ACOXL: variants seen among roughly 807,000 people sequenced by gnomAD.
ACOXL encodes the protein acyl-CoA oxidase like.
ACOXL carries 70 observed loss-of-function variants against 71.9 expected under a neutral mutation model. The observed-to-expected ratio is 0.97, with a 90% CI of 0.80 to 1.19. The LOEUF (loss-of-function observed/expected upper bound fraction) is 1.19, where lower values mean the gene tolerates loss of function less well. Among genes scored for constraint, ACOXL ranks in the 50% most tolerant of loss-of-function variants. The pLI, the probability that ACOXL is intolerant of heterozygous loss-of-function variation, is 0.00. For missense variants in ACOXL, 703 were observed against 736.3 expected, an observed-to-expected ratio of 0.95 and a Z score of 0.52; for synonymous variants, 253 against 281.6, an observed-to-expected ratio of 0.90 and a Z score of 1.02.
chr2:110,940,433 G>T (rs973456527), intron 12 of ACOXL, among the ~76,000 whole-genome samples: 1 of 152,160 alleles, frequency 6.6e-6, no homozygotes, highest in Non-Finnish European at 1.5e-5. Flanking sequence ...AGTTTTCACT[G>T]GAATGTTATT....
intron 1 of ACOXL, among the ~76,000 whole-genome samples, chr2:110,742,868 C>T (rs1407007333): frequency 1.3e-5 from 2 of 152,004 alleles, no homozygotes; most frequent in South Asian, 2.1e-4. Context: ...AAAGCATAGG[C>T]GATAAAAACT....
chr2:111,070,907 G>A (rs1052468677), intron 16 of ACOXL, among the ~76,000 whole-genome samples: 9 of 152,016 alleles, frequency 5.9e-5, no homozygotes, highest in Non-Finnish European at 8.8e-5. Context: ...ATGGCCCACC[G>A]TTGCCTAACT....
rs869081161 is a variant in ACOXL at position 111,109,671 on chromosome 2, ATTTTTTTTT to A, written c.1543-7928_1543-7920del. 3.3e-4 allele frequency among the ~76,000 whole-genome samples: 25 copies of A among 75,670 alleles called. No homozygotes were observed. In the East Asian group the frequency reaches 7.7e-3, roughly 23 times the overall value. 49.6% of individuals were successfully genotyped at this position (75,670 alleles called of 152,430 possible). A position where few individuals can be genotyped will look rare whatever the true frequency, so the allele number is the denominator to read the frequency against. On this transcript the variant is annotated intron_variant, in intron 17 of 17. Transcript: ENST00000439055. ...CTATTATATCCATTTTTCTCCTTCT[ATTTTTTTTT>A]TTTTTTTTTTTTTTTTGAGACAGAG... is the stretch of plus-strand genomic sequence containing the variant.
intron 16 of ACOXL, among the ~76,000 whole-genome samples, chr2:111,070,124 C>G (rs2067270482): frequency 6.6e-6 from 1 of 152,134 alleles, no homozygotes; most frequent in African/African-American, 2.4e-5. Context: ...CAGAACTACT[C>G]TTCGACCCAG....
chr2:111,110,624 T>C (rs1299974118), intron 17 of ACOXL, among the ~76,000 whole-genome samples: 1 of 152,204 alleles, frequency 6.6e-6, no homozygotes, highest in African/African-American at 2.4e-5. Flanking sequence ...AGGCCCAGTC[T>C]TCTGTCCACC....
chr2:111,110,887 A>T (rs1387371067), intron 17 of ACOXL, among the ~76,000 whole-genome samples: 3 of 152,188 alleles, frequency 2.0e-5, no homozygotes, highest in Non-Finnish European at 2.9e-5. Flanking sequence ...ATCATTTGGG[A>T]CAATGAAGTT....
intron 9 of ACOXL, among the ~76,000 whole-genome samples, chr2:110,836,706 T>A (rs1690512626): frequency 6.6e-6 from 1 of 152,214 alleles, no homozygotes; most frequent in East Asian, 1.9e-4. Flanking sequence ...AGTGTTTGTT[T>A]TGTGATGTAC....
intron 16 of ACOXL, among the ~76,000 whole-genome samples, chr2:111,082,647 A>G (rs2067986471): frequency 6.6e-6 from 1 of 152,142 alleles, no homozygotes; most frequent in African/African-American, 2.4e-5. Flanking sequence ...GTGATCTAGA[A>G]CCAGAAATAC....
chr2:110,760,692 A>G (rs2104903575), intron 1 of ACOXL, among the ~76,000 whole-genome samples: 1 of 152,280 alleles, frequency 6.6e-6, no homozygotes, highest in East Asian at 1.9e-4. Flanking sequence ...GTTCTCACAT[A>G]TCTCTTACTT....
At chr2:111,107,740 G>A (rs2069646685) in intron 17 of ACOXL, among the ~76,000 whole-genome samples, 1 of 152,216 alleles carries the variant, frequency 6.6e-6, no homozygotes, top group South Asian at 2.1e-4. Context: ...TGCCCGCCTT[G>A]GCTTCCCAAA....
chr2:110,823,838 G>A (rs1688889707), intron 9 of ACOXL, among the ~76,000 whole-genome samples: 1 of 152,142 alleles, frequency 6.6e-6, no homozygotes, highest in Admixed American at 6.5e-5. Flanking sequence ...CTTATTGTTA[G>A]TTTTAAGAGT....
intron 15 of ACOXL, among the ~76,000 whole-genome samples, chr2:111,038,376 CTTCCCACTTTTTAAATGTGT>C (rs1220140016): frequency 3.3e-5 from 5 of 152,256 alleles, no homozygotes; most frequent in East Asian, 3.9e-4. Flanking sequence ...AAAATAAGCC[CTTCCCACTTTTTAAATGTGT>C]TTCCCACTTT....
intron 16 of ACOXL, among the ~76,000 whole-genome samples, chr2:111,083,555 G>C (rs2068040531): frequency 6.6e-6 from 1 of 151,370 alleles, no homozygotes; most frequent in Non-Finnish European, 1.5e-5. Context: ...TGGAGTCCAG[G>C]GTTTTTTTGT....
At chr2:110,827,020 G>A (rs1689245984) in intron 9 of ACOXL, among the ~76,000 whole-genome samples, 1 of 152,152 alleles carries the variant, frequency 6.6e-6, no homozygotes, top group Non-Finnish European at 1.5e-5. Context: ...GGCTGCCCGA[G>A]CCCAGGGGAC....
At chr2:110,798,543 C>A in intron 5 of ACOXL, 67 bp from the exon 6 acceptor site, 2 of 1,344,210 alleles carry the variant, frequency 1.5e-6, no homozygotes, top group Non-Finnish European at 2.1e-6. Context: ...GTATTCATTG[C>A]TTTGAGCCAG....
intron 15 of ACOXL, among the ~76,000 whole-genome samples, chr2:111,044,023 T>C (rs1209713362): frequency 2.0e-5 from 3 of 152,268 alleles, no homozygotes; most frequent in African/African-American, 7.2e-5. Context: ...AAAGCAAGCT[T>C]ACAACATGTT....
chr2:110,758,775 T>C (rs1349081437), intron 1 of ACOXL, among the ~76,000 whole-genome samples: 11 of 152,148 alleles, frequency 7.2e-5, no homozygotes, highest in Admixed American at 6.6e-4. Context: ...GTTAGGTTGT[T>C]AACTTGAGAT....
At chr2:110,932,079 T>C (rs2060496323) in intron 11 of ACOXL, among the ~76,000 whole-genome samples, 1 of 152,230 alleles carries the variant, frequency 6.6e-6, no homozygotes, top group Non-Finnish European at 1.5e-5. Context: ...TTACGTAGAA[T>C]AGAGTACTAC....
chr2:110,983,731 A>C (rs1318116096), intron 12 of ACOXL, among the ~76,000 whole-genome samples: 1 of 152,244 alleles, frequency 6.6e-6, no homozygotes, highest in Non-Finnish European at 1.5e-5. Context: ...ACTTTACAAA[A>C]CAATCTACTA....
Sources: gnomAD v4.1 joint callset for allele counts (sites outside exome capture counted in the v4.1 genomes callset) on GRCh38, gnomAD v4.1.1 for gene constraint, MANE v1.5 for transcripts, NCBI Gene and HGNC (gene_info 2026-07-23, HGNC 2026-07-21) for gene names.